Variants in PROX2 observed in about 807,000 individuals in gnomAD.
The protein encoded by PROX2 is prospero homeobox 2, also known as prospero homeobox protein 2.
Under a neutral mutation model 48.9 loss-of-function variants are expected in PROX2, and 46 were observed. That is an observed-to-expected ratio of 0.94 (90% CI 0.74 to 1.20). The LOEUF is 1.20. PROX2 is among the 50% of genes most tolerant of loss of function. The pLI, the probability that PROX2 is intolerant of heterozygous loss-of-function variation, is 0.00. For missense variants in PROX2, 663 were observed against 719.4 expected, an observed-to-expected ratio of 0.92 and a Z score of 0.90; for synonymous variants, 260 against 276.6, an observed-to-expected ratio of 0.94 and a Z score of 0.60.
Position 74,854,904 on chromosome 14 carries a change from T to C in PROX2, c.*228A>G, listed in dbSNP as rs1257001769. On this transcript the variant is annotated 3_prime_UTR_variant, in exon 6 of 6. Coordinates refer to ENST00000556489, the MANE Select transcript of PROX2 (RefSeq NM_001243007.2). ...CTTCTGATTGGAAACTTGTGTTCCT[T>C]TTACAATATACTACCAATACACCAA... 9.1e-6 allele frequency: 3 copies of C among 328,024 alleles called. No homozygotes were observed. Among genetic ancestry groups the C allele is most frequent in the African/African-American group, 2.1e-5 (1 of 47,094 alleles). 20.3% of individuals were successfully genotyped at this position (328,024 alleles called of 1,614,324 possible).
At position 74,862,951 on chromosome 14, in the gene PROX2, T is replaced by C; in HGVS notation, c.884A>G (p.Gln295Arg). The change falls in exon 3 of 6, where the codon CAA becomes CGA. Residue 295 changes from glutamine (Q) to arginine (R), a missense_variant. Coordinates refer to ENST00000556489, the MANE Select transcript of PROX2 (RefSeq NM_001243007.2). ...LAALPRRVQL[Q>R]AGVPVGNLSL... ...TAAATTTCCTACTGGGACCCCAGCT[T>C]GTAGCTGGACCCTCCTGGGCAAGGC... 1 of 1,613,918 alleles carries C rather than the reference T, an allele frequency of 6.2e-7. No individual in the cohort carries two copies.
chr14:74,857,085 A>G (rs2091749871), intron 4 of PROX2, 90 bp from the exon 5 acceptor site: 6 of 1,047,676 alleles, frequency 5.7e-6, no homozygotes, highest in Non-Finnish European at 8.6e-6. Flanking sequence ...ATAGGGGTTC[A>G]TATACGGCTT....
At chr14:74,873,389 T>C (rs947013545) in intron 1 of PROX2, among the ~76,000 whole-genome samples, 1 of 152,208 alleles carries the variant, frequency 6.6e-6, no homozygotes, top group African/African-American at 2.4e-5. Context: ...CTCTTAGGAT[T>C]GTGGTGAGGA....
Position 74,857,009 on chromosome 14 carries a change from A to G in PROX2, c.1414-14T>C, listed in dbSNP as rs775469339. On this transcript the variant is annotated splice_polypyrimidine_tract_variant and intron_variant, in intron 4 of 5. Transcript: ENST00000556489. ...GCAGCGGTTGAACTGTACAAACAAG[A>G]GGTCCATCCAGTCAGACATTTGCCA... 3.2e-5 allele frequency: 51 copies of G among 1,610,810 alleles called. No individual in the cohort carries two copies. Among genetic ancestry groups the G allele is most frequent in the Middle Eastern group, 1.6e-4 (1 of 6,072 alleles).
At position 74,854,406 on chromosome 14, in the gene PROX2, CTAGG is replaced by C; in HGVS notation, c.*722_*725del. 1 of 292,976 alleles carries C rather than the reference CTAGG, an allele frequency of 3.4e-6. No individual in the cohort carries two copies. The highest frequency in any genetic ancestry group is 2.7e-5 in the South Asian group (1 of 37,130). The allele number at this position is 292,976 out of a possible 1,614,324, so 18.1% of individuals were successfully genotyped here. A position where few individuals can be genotyped will look rare whatever the true frequency, so the allele number is the denominator to read the frequency against. On this transcript the variant is annotated 3_prime_UTR_variant, in exon 6 of 6. Transcript: ENST00000556489. ...GTGCCCTGTCAGCGCTGGATGCTTA[CTAGG>C]GGTGGGGTCCTGCTTGAGATCCTGA...
At chr14:74,865,326 AG>A (rs937432143) in intron 2 of PROX2, 4 of 152,184 alleles carry the variant, frequency 2.6e-5, no homozygotes, top group Non-Finnish European at 4.4e-5. Context: ...CTCCTGGAAC[AG>A]GCAGTCTAGC....
intron 5 of PROX2, chr14:74,856,382 A>G (rs1030777449): frequency 6.3e-6 from 1 of 159,856 alleles, no homozygotes; most frequent in African/African-American, 2.4e-5. Context: ...TCAAGGGAAA[A>G]TACAGATAAG....
chr14:74,855,257 ACTC>A lies in PROX2; in HGVS notation c.1651_1653del (p.Glu551del), dbSNP rs769812984. 3.2e-6 allele frequency: 5 copies of A among 1,570,068 alleles called. No homozygotes were observed. The African/African-American group carries it at 5.4e-5, about 17-fold the overall frequency. On this transcript the variant is annotated inframe_deletion, in exon 6 of 6. Coordinates refer to ENST00000556489, the MANE Select transcript of PROX2 (RefSeq NM_001243007.2). ...CTCCCTGCGGAGACAGCCCTGAAGAACTCCTGTAACGTCAAGCTGGCAATTTCC... is the reference window on the plus strand; with the variant it reads ...CTCCCTGCGGAGACAGCCCTGAAGAACTGTAACGTCAAGCTGGCAATTTCC...
Position 74,863,482 on chromosome 14 carries a change from G to T in PROX2, c.353C>A (p.Ala118Asp), listed in dbSNP as rs774572009. 20 of 1,613,610 alleles carry T rather than the reference G, an allele frequency of 1.2e-5. No homozygotes were observed. Among genetic ancestry groups the T allele is most frequent in the Middle Eastern group, 3.3e-4 (2 of 6,084 alleles). The change falls in exon 3 of 6, where the codon GCC becomes GAC. Residue 118 changes from alanine to aspartate, a missense_variant. Coordinates refer to ENST00000556489, the MANE Select transcript of PROX2 (RefSeq NM_001243007.2). Reference sequence around the variant, plus strand: ...CCTGTTGCCCTGGTCCCAGGCAGGGGCTGGCATCAGGAGGCCTTGCGGTGT... The same window carrying T: ...CCTGTTGCCCTGGTCCCAGGCAGGGTCTGGCATCAGGAGGCCTTGCGGTGT... Reference protein sequence around the residue: ...LPTPQGLLMPAPAWDQGNRKG... With the variant: ...LPTPQGLLMPDPAWDQGNRKG...
rs1455755047 is a variant in PROX2, at chr14:74,863,397, C to T, written c.438G>A (p.Leu146=). ...TGGCAGCCTGTAGGATGTGCTCTTG[C>T]AGATGTCTTAGCTGTTGCTTCAGCA... is the stretch of plus-strand genomic sequence containing the variant. ...LHLLKQQLRH[L]QEHILQAAKP... Residue 146 remains leucine (L), a synonymous_variant, in exon 3 of 6, where the codon CTG becomes CTA. Coordinates refer to ENST00000556489, the MANE Select transcript of PROX2 (RefSeq NM_001243007.2). 1.9e-6 allele frequency: 3 copies of T among 1,613,566 alleles called. No individual in the cohort carries two copies. In the African/African-American group the frequency reaches 4.0e-5, roughly 22 times the overall value.
At position 74,854,304 on chromosome 14, in the gene PROX2, G is replaced by T; in HGVS notation, c.*828C>A. 2.2e-6 allele frequency: 1 copy of T among 446,594 alleles called. No individual in the cohort carries two copies. The highest frequency in any genetic ancestry group is 6.5e-5 in the East Asian group (1 of 15,340). The allele number at this position is 446,594 out of a possible 1,614,324, so 27.7% of individuals were successfully genotyped here. On this transcript the variant is annotated 3_prime_UTR_variant, in exon 6 of 6. Transcript: ENST00000556489. ...TCAAGTCCTGCATAAAGTTTGTCTT[G>T]AGTTTGCTGAAATGATCAGCAGAAA...
At position 74,858,330 on chromosome 14, in the gene PROX2, G is replaced by A. The variant is rs1357055321; in HGVS notation, c.1413+77C>T. On this transcript the variant is annotated intron_variant, in intron 4 of 5. Coordinates refer to ENST00000556489, the MANE Select transcript of PROX2 (RefSeq NM_001243007.2). The stretch of plus-strand genomic sequence containing the variant: ...TTGAAGTGCACATATGATGACCTAG[G>A]ACTTGCCTCACACCAGGCAAAACAC... The A allele has an allele frequency of 6.1e-6, 5 of 823,270 alleles. No individual in the cohort carries two copies. The African/African-American group carries it at 6.8e-5, about 11-fold the overall frequency. 51.0% of individuals were successfully genotyped at this position (823,270 alleles called of 1,614,324 possible). A position where few individuals can be genotyped will look rare whatever the true frequency, so the allele number is the denominator to read the frequency against.
Position 74,863,880 on chromosome 14 carries a change from C to T in PROX2, c.-46G>A, listed in dbSNP as rs1280070946. The T allele has an allele frequency of 4.2e-6, 6 of 1,444,958 alleles. No individual in the cohort carries two copies. Among genetic ancestry groups the T allele is most frequent in the Non-Finnish European group, 5.4e-6 (6 of 1,107,024 alleles). 89.5% of individuals were successfully genotyped at this position (1,444,958 alleles called of 1,614,324 possible). On this transcript the variant is annotated 5_prime_UTR_variant, in exon 3 of 6. Coordinates refer to ENST00000556489, the MANE Select transcript of PROX2 (RefSeq NM_001243007.2). ...TTCAGGAATTCCTCCTCCTTATTTC[C>T]TCAGCTGGAAGTGCACCCAGAATGC...
At chr14:74,858,773 G>A in intron 3 of PROX2, 1 of 267,358 alleles carries the variant, frequency 3.7e-6, no homozygotes, top group Non-Finnish European at 6.5e-6. Context: ...ACAGGTTGGT[G>A]TATTTTGTGT....
At position 74,854,394 on chromosome 14, in the gene PROX2, G is replaced by A. The variant is rs1471875445; in HGVS notation, c.*738C>T. The A allele has an allele frequency of 4.0e-5, 12 of 303,472 alleles. No individual in the cohort carries two copies. The highest frequency in any genetic ancestry group is 6.6e-5 in the Non-Finnish European group (10 of 151,022). The allele number at this position is 303,472 out of a possible 1,614,324, so 18.8% of individuals were successfully genotyped here. A position where few individuals can be genotyped will look rare whatever the true frequency, so the allele number is the denominator to read the frequency against. On this transcript the variant is annotated 3_prime_UTR_variant, in exon 6 of 6. Coordinates refer to ENST00000556489, the MANE Select transcript of PROX2 (RefSeq NM_001243007.2). ...TGTCAGGTGACGGTGCCCTGTCAGC[G>A]CTGGATGCTTACTAGGGGTGGGGTC...
chr14:74,858,497 G>A lies in PROX2; in HGVS notation c.1323C>T (p.Asn441=), dbSNP rs1010455102. The part of the protein sequence containing the change: ...FSLVHIQEGL[N]PGHLKKAKLM... ...GTTTGGCCTTCTTCAAGTGACCAGG[G>A]TTTAGACCCTCCTGGATTTATCTCA... Residue 441 remains asparagine, a synonymous_variant, in exon 4 of 6, where the codon AAC becomes AAT. Coordinates refer to ENST00000556489, the MANE Select transcript of PROX2 (RefSeq NM_001243007.2). The A allele has an allele frequency of 2.5e-6, 4 of 1,572,996 alleles. No homozygotes were observed. In the African/African-American group the frequency reaches 4.0e-5, roughly 16 times the overall value.
chr14:74,864,947 C>A (rs1415073879), intron 2 of PROX2, among the ~76,000 whole-genome samples: 1 of 151,750 alleles, frequency 6.6e-6, no homozygotes, highest in Non-Finnish European at 1.5e-5. Context: ...AGTTTGAGAC[C>A]AGCCTGGCCA....
rs182446913 is a variant in PROX2, at chr14:74,856,926, T to A, written c.1483A>T (p.Met495Leu). 6.2e-7 allele frequency: 1 copy of A among 1,613,878 alleles called. No homozygotes were observed. The highest frequency in any genetic ancestry group is 1.3e-5 in the African/African-American group (1 of 74,918). ...ATTGCTTGCCGGGCAGATTTTTCCATTTGGATGTAATAAAACTCACGAAAG... is the reference window on the plus strand; with the variant it reads ...ATTGCTTGCCGGGCAGATTTTTCCAATTGGATGTAATAAAACTCACGAAAG... ...SNFREFYYIQ[M>L]EKSARQAISD... The change falls in exon 5 of 6, where the codon ATG becomes TTG. Residue 495 changes from methionine to leucine, a missense_variant. Physicochemically the swap from Met to Leu is conservative, Grantham distance 15 (BLOSUM62 2). Coordinates refer to ENST00000556489, the MANE Select transcript of PROX2 (RefSeq NM_001243007.2).
At chr14:74,873,132 T>C (rs1167745971) in intron 1 of PROX2, among the ~76,000 whole-genome samples, 2 of 152,108 alleles carry the variant, frequency 1.3e-5, no homozygotes, top group Non-Finnish European at 2.9e-5. Context: ...TACAGGCACG[T>C]GCCACCATGC....
Sources: allele counts gnomAD v4.1 joint callset (sites outside exome capture counted in the v4.1 genomes callset), GRCh38; gene constraint gnomAD v4.1.1; transcripts MANE v1.5; gene names NCBI Gene and HGNC (gene_info 2026-07-23, HGNC 2026-07-21).